Variants in NEDD4 observed in about 807,000 individuals in gnomAD.
NEDD4 encodes the protein NEDD4 E3 ubiquitin protein ligase.
A neutral mutation model predicts 144.9 loss-of-function variants in NEDD4; 99 were observed. That is an observed-to-expected ratio of 0.68 (90% CI 0.58 to 0.81). NEDD4 has a LOEUF of 0.81. Among genes scored for constraint, NEDD4 ranks in the 30% least tolerant of loss-of-function variants. The probability of loss-of-function intolerance (pLI) is 0.00; values close to 1 mark genes in which losing one functional copy is unlikely to be tolerated. For missense variants in NEDD4, 985 were observed against 1,065.9 expected (o/e 0.92, Z 1.06); for synonymous variants, 318 against 350.6 (o/e 0.91, Z 1.04).
intron 24 of NEDD4, among the ~76,000 whole-genome samples, chr15:55,835,412 CCTGTT>C (rs2033145771): frequency 6.9e-6 from 1 of 144,266 alleles, no homozygotes; most frequent in Admixed American, 7.2e-5. Context: ...TTTGCAGTCT[CCTGTT>C]CTGTTTTTTT....
chr15:55,907,454 T>C (rs2036138065), intron 5 of NEDD4, among the ~76,000 whole-genome samples: 1 of 152,246 alleles, frequency 6.6e-6, no homozygotes, highest in African/African-American at 2.4e-5. Context: ...TATACTATAT[T>C]GTTCTCTGGT....
chr15:55,896,699 A>G (rs2035749324), intron 5 of NEDD4, among the ~76,000 whole-genome samples: 1 of 152,138 alleles, frequency 6.6e-6, no homozygotes, highest in Non-Finnish European at 1.5e-5. Flanking sequence ...GGTATCATGG[A>G]GCCTCCAGTC....
At position 55,884,071 on chromosome 15, in the gene NEDD4, G is replaced by C. The variant is rs536657983; in HGVS notation, c.292-10063C>G. Among the ~76,000 whole-genome samples, 68 of 152,138 alleles carry C rather than the reference G, an allele frequency of 4.5e-4. 1 individual carries two copies. Among genetic ancestry groups the C allele is most frequent in the African/African-American group, 1.6e-3 (66 of 41,490 alleles). On this transcript the variant is annotated intron_variant, in intron 5 of 28. Transcript: ENST00000435532. ...ATGTTTGTATTTTTAGCAGAGATTG[G>C]GTTTCACCATGTTGGCCAGGCTGGT...
intron 9 of NEDD4, among the ~76,000 whole-genome samples, 191 bp from the exon 10 acceptor site, chr15:55,860,969 C>A (rs74015312): frequency 6.6e-6 from 1 of 152,066 alleles, no homozygotes; most frequent in Non-Finnish European, 1.5e-5. Flanking sequence ...GAGTACCTTA[C>A]GGAGTTTAAG....
At chr15:55,936,006 G>C (rs1305299353) in intron 4 of NEDD4, among the ~76,000 whole-genome samples, 3 of 151,764 alleles carry the variant, frequency 2.0e-5, no homozygotes, top group African/African-American at 7.3e-5. Flanking sequence ...TTCACCTGCT[G>C]CAATGACCAA....
intron 4 of NEDD4, among the ~76,000 whole-genome samples, chr15:55,930,845 G>A (rs1262683931): frequency 3.9e-5 from 6 of 152,020 alleles, no homozygotes; most frequent in African/African-American, 1.2e-4. Flanking sequence ...TTTGCCTTCC[G>A]CCATGATTGT....
In NEDD4 at chr15:55,842,091, T is replaced by A; in HGVS notation, c.1681A>T (p.Met561Leu). 6.2e-7 allele frequency: 1 copy of A among 1,614,196 alleles called. No individual in the cohort carries two copies. The highest frequency in any genetic ancestry group is 8.5e-7 in the Non-Finnish European group (1 of 1,180,034). Reference sequence around the variant, plus strand: ...AGGAAGTCTGCTCTCTTGACACCCATAATTCTCCGGTAAGAGTCTTCAAGA... The same window carrying A: ...AGGAAGTCTGCTCTCTTGACACCCAAAATTCTCCGGTAAGAGTCTTCAAGA... ...TVLEDSYRRI[M>L]GVKRADFLKA... is the part of the protein sequence containing the mutation. The change falls in exon 19 of 29, where the codon ATG becomes TTG. Residue 561 changes from methionine to leucine, a missense_variant. Coordinates refer to ENST00000435532, the MANE Select transcript of NEDD4 (RefSeq NM_006154.4).
chr15:55,978,358 ATTTAT>A (rs1378963713), intron 1 of NEDD4, among the ~76,000 whole-genome samples: 1 of 152,222 alleles, frequency 6.6e-6, no homozygotes, highest in African/African-American at 2.4e-5. Flanking sequence ...ATTAAGTGCC[ATTTAT>A]TTTAATATTT....
chr15:55,948,752 T>G (rs1271095074), intron 4 of NEDD4, among the ~76,000 whole-genome samples: 1 of 152,186 alleles, frequency 6.6e-6, no homozygotes, highest in Non-Finnish European at 1.5e-5. Context: ...GCGAGCCATA[T>G]GTAGAAAGCT....
chr15:55,905,617 T>C (rs1231170812), intron 5 of NEDD4, among the ~76,000 whole-genome samples: 1 of 152,016 alleles, frequency 6.6e-6, no homozygotes, highest in Non-Finnish European at 1.5e-5. Flanking sequence ...AAATAAGAGA[T>C]TGTATTCATA....
At chr15:55,985,928 G>C (rs1447289778) in intron 1 of NEDD4, among the ~76,000 whole-genome samples, 1 of 152,116 alleles carries the variant, frequency 6.6e-6, no homozygotes, top group Non-Finnish European at 1.5e-5. Context: ...GTAGATAGCT[G>C]AGCCAAGCAA....
intron 24 of NEDD4, 25 bp from the exon 25 acceptor site, chr15:55,834,311 C>G (rs760002547): frequency 1.3e-6 from 2 of 1,512,416 alleles, no homozygotes; most frequent in Non-Finnish European, 9.2e-7. Context: ...TATTTAAAAA[C>G]TTGATGGGCA....
intron 2 of NEDD4, among the ~76,000 whole-genome samples, 177 bp from the exon 3 acceptor site, chr15:55,951,766 G>A (rs2037245232): frequency 6.6e-6 from 1 of 151,872 alleles, no homozygotes. Flanking sequence ...TTTGCATCTC[G>A]TTAAAAACCT....
intron 5 of NEDD4, among the ~76,000 whole-genome samples, chr15:55,900,258 T>A (rs2035871661): frequency 6.6e-6 from 1 of 152,204 alleles, no homozygotes; most frequent in South Asian, 2.1e-4. Context: ...TCCACAGGAC[T>A]GGATTTGTTT....
intron 5 of NEDD4, among the ~76,000 whole-genome samples, chr15:55,893,263 T>A (rs2035629024): frequency 6.6e-6 from 1 of 152,138 alleles, no homozygotes; most frequent in African/African-American, 2.4e-5. Context: ...ATTAAAATCC[T>A]CTATGCGCAA....
At chr15:55,957,455 G>A (rs1013932944) in intron 2 of NEDD4, among the ~76,000 whole-genome samples, 5 of 152,124 alleles carry the variant, frequency 3.3e-5, no homozygotes, top group Non-Finnish European at 7.4e-5. Context: ...TGAGGTTTAG[G>A]ACATTTCCAT....
At chr15:55,944,953 G>A (rs1409469939) in intron 4 of NEDD4, among the ~76,000 whole-genome samples, 1 of 152,032 alleles carries the variant, frequency 6.6e-6, no homozygotes, top group Non-Finnish European at 1.5e-5. Flanking sequence ...CAAACACAAA[G>A]GAATAGCATC....
chr15:55,848,132 C>T (rs982921439), intron 17 of NEDD4, among the ~76,000 whole-genome samples: 35 of 152,234 alleles, frequency 2.3e-4, no homozygotes, highest in African/African-American at 8.0e-4. Flanking sequence ...GCCCACACTG[C>T]CTTAGCATTC....
At chr15:55,871,570 C>T (rs1362652627) in intron 7 of NEDD4, among the ~76,000 whole-genome samples, 4 of 152,102 alleles carry the variant, frequency 2.6e-5, no homozygotes, top group African/African-American at 9.7e-5. Context: ...ATTTACATTC[C>T]AGACATCTAC....
Sources: allele counts gnomAD v4.1 joint callset (sites outside exome capture counted in the v4.1 genomes callset), GRCh38; gene constraint gnomAD v4.1.1; transcripts MANE v1.5; gene names NCBI Gene and HGNC (gene_info 2026-07-23, HGNC 2026-07-21).